Variants in LRIG1 observed in about 807,000 individuals in gnomAD.
The protein encoded by LRIG1 is leucine rich repeats and immunoglobulin like domains 1.
A neutral mutation model predicts 99.2 loss-of-function variants in LRIG1; 48 were observed. That is an observed-to-expected ratio of 0.48 (90% CI 0.38 to 0.62). The LOEUF is 0.62. Among genes scored for constraint, LRIG1 ranks in the 20% least tolerant of loss-of-function variants. The pLI is 0.00. For missense variants in LRIG1, 1,646 were observed against 1,434.4 expected (o/e 1.15, Z -2.38); for synonymous variants, 772 against 596.1 (o/e 1.29, Z -4.30).
At chr3:66,467,341 C>T (rs1441829287) in intron 1 of LRIG1, among the ~76,000 whole-genome samples, 1 of 150,810 alleles carries the variant, frequency 6.6e-6, no homozygotes, top group Non-Finnish European at 1.5e-5. Flanking sequence ...AATTCAGTTC[C>T]TTGGCCACAC....
chr3:66,464,567 C>T (rs17044646), intron 1 of LRIG1, among the ~76,000 whole-genome samples: 1,664 of 151,404 alleles, frequency 0.011, 44 homozygotes, highest in African/African-American at 0.038. Flanking sequence ...GCTTGAGGAT[C>T]GCCAGTTTTT....
intron 9 of LRIG1, among the ~76,000 whole-genome samples, chr3:66,403,220 G>A (rs1019430535): frequency 2.6e-5 from 4 of 151,972 alleles, no homozygotes; most frequent in African/African-American, 9.7e-5. Context: ...CAAATCATAG[G>A]CATCATACCA....
chr3:66,495,072 C>T (rs950643761), intron 1 of LRIG1, among the ~76,000 whole-genome samples: 1 of 152,166 alleles, frequency 6.6e-6, no homozygotes, highest in Non-Finnish European at 1.5e-5. Context: ...TACCAATTTC[C>T]ACACTTTAAC....
rs1176692162 is a variant in LRIG1 at position 66,405,259 on chromosome 3, T to C, written c.1099A>G (p.Ile367Val). 1.9e-6 allele frequency: 3 copies of C among 1,614,014 alleles called. No homozygotes were observed. Among genetic ancestry groups the C allele is most frequent in the Non-Finnish European group, 2.5e-6 (3 of 1,179,966 alleles). ...CTCGTGTCCTCTATTGTGCCCGAAA[T>C]CTCGTTATGGTCCAGATCCCTGGGG... ...LRVLDLDHNE[I>V]SGTIEDTSGA... Residue 367 changes from isoleucine to valine, a missense_variant, in exon 9 of 19, where the codon ATT (isoleucine) becomes GTT (valine). Coordinates refer to ENST00000273261, the MANE Select transcript of LRIG1 (RefSeq NM_015541.3).
chr3:66,462,330 C>T (rs1320422794), intron 2 of LRIG1, 108 bp downstream of exon 2: 3 of 777,248 alleles, frequency 3.9e-6, no homozygotes, highest in Non-Finnish European at 6.7e-6. Context: ...TTCCTTCCTA[C>T]AAGTTTACAC....
intron 3 of LRIG1, among the ~76,000 whole-genome samples, chr3:66,423,506 G>T (rs1205712429): frequency 6.6e-6 from 1 of 152,206 alleles, no homozygotes; most frequent in Non-Finnish European, 1.5e-5. Context: ...GGGAGGCAGA[G>T]GTTGTAGTGA....
intron 3 of LRIG1, among the ~76,000 whole-genome samples, chr3:66,440,738 T>A (rs1449936517): frequency 1.3e-5 from 2 of 152,186 alleles, no homozygotes; most frequent in Admixed American, 1.3e-4. Flanking sequence ...ACGTTCAGTA[T>A]ATACCAGACA....
chr3:66,382,396 C>T lies in LRIG1; in HGVS notation c.2494G>A (p.Glu832Lys), dbSNP rs867560102. ...GGAACATCTGGTGGCACGACGGTTT[C>T]ATCTGCAAGGAGACAGAACAAATAG... ...SEEYSVTNTD[E>K]TVVPPDVPSY... Residue 832 changes from glutamate to lysine, a missense_variant and splice_region_variant, in exon 16 of 19, where the codon GAA becomes AAA. Glu to Lys is a moderately conservative substitution (Grantham distance 56, BLOSUM62 1). Transcript: ENST00000273261. 3 of 1,614,206 alleles carry T rather than the reference C, an allele frequency of 1.9e-6. No homozygotes were observed. Among genetic ancestry groups the T allele is most frequent in the Non-Finnish European group, 2.5e-6 (3 of 1,180,026 alleles).
At chr3:66,457,522 G>T (rs893075321) in intron 2 of LRIG1, among the ~76,000 whole-genome samples, 4 of 152,152 alleles carry the variant, frequency 2.6e-5, no homozygotes, top group Admixed American at 6.5e-5. Flanking sequence ...TTGGAGGGCT[G>T]GGCAGTTCCA....
At chr3:66,387,074 C>G (rs1387692874) in intron 12 of LRIG1, 3 of 147,572 alleles carry the variant, frequency 2.0e-5, no homozygotes, top group Non-Finnish European at 4.5e-5. Context: ...TTGCCCTGAT[C>G]TAGTTTGCCG....
At chr3:66,441,510 T>C (rs1703538482) in intron 3 of LRIG1, among the ~76,000 whole-genome samples, 1 of 152,198 alleles carries the variant, frequency 6.6e-6, no homozygotes, top group South Asian at 2.1e-4. Flanking sequence ...GACCTTCTGT[T>C]ACTTCGCATC....
Position 66,383,407 on chromosome 3 carries a change from A to G in LRIG1, c.2072-6T>C. The G allele has an allele frequency of 6.5e-7, 1 of 1,532,314 alleles. No homozygotes were observed. The highest frequency in any genetic ancestry group is 8.8e-7 in the Non-Finnish European group (1 of 1,136,230). The allele number at this position is 1,532,314 out of a possible 1,614,324, so 94.9% of individuals were successfully genotyped here. ...GACCACCAAGGATGGGGTCTCTACA[A>G]GAGAGCAACAGAGATCTTAGTCATT... On this transcript the variant is annotated splice_region_variant and splice_polypyrimidine_tract_variant and intron_variant, in intron 14 of 18. Coordinates refer to ENST00000273261, the MANE Select transcript of LRIG1 (RefSeq NM_015541.3).
rs537391120 is a variant in LRIG1, at chr3:66,457,283, C to A, written c.290+5155G>T. ...TTTTCTTCAATATCCTTCCCCACCT[C>A]CCCACCCCTCAACACCTAACAGCCT... On this transcript the variant is annotated intron_variant, in intron 2 of 18. Transcript: ENST00000273261. Among the ~76,000 whole-genome samples the A allele has an allele frequency of 3.3e-5, 5 of 152,004 alleles. No individual in the cohort carries two copies. The South Asian group carries it at 1.0e-3, about 32-fold the overall frequency.
intron 1 of LRIG1, among the ~76,000 whole-genome samples, chr3:66,476,213 A>G (rs1428903817): frequency 2.0e-5 from 3 of 152,164 alleles, no homozygotes; most frequent in Non-Finnish European, 4.4e-5. Flanking sequence ...AGTAAAGTAA[A>G]TGAACCCCAA....
rs1700878386 is a variant in LRIG1, at chr3:66,379,169, A to AC, written c.*1093_*1094insG. The AC allele has an allele frequency of 6.6e-6, 1 of 152,644 alleles. No homozygotes were observed. The highest frequency in any genetic ancestry group is 2.4e-5 in the African/African-American group (1 of 41,454). 9.5% of individuals were successfully genotyped at this position (152,644 alleles called of 1,614,324 possible). A position where few individuals can be genotyped will look rare whatever the true frequency, so the allele number is the denominator to read the frequency against. Reference sequence around the variant, plus strand: ...TAAATGACACATTGGCACTCATAAGATGGTTAGCTACCAGTCTCAAAAGTG... The same window carrying AC: ...TAAATGACACATTGGCACTCATAAGACTGGTTAGCTACCAGTCTCAAAAGTG... On this transcript the variant is annotated 3_prime_UTR_variant, in exon 19 of 19. Transcript: ENST00000273261.
intron 3 of LRIG1, among the ~76,000 whole-genome samples, chr3:66,429,980 G>A (rs1254705711): frequency 3.9e-5 from 6 of 152,264 alleles, no homozygotes; most frequent in Admixed American, 6.5e-5. Flanking sequence ...AATATAAACC[G>A]CACACCGGCT....
chr3:66,413,187 G>A (rs1702524581), intron 5 of LRIG1, among the ~76,000 whole-genome samples, 173 bp from the exon 6 acceptor site: 1 of 152,194 alleles, frequency 6.6e-6, no homozygotes, highest in Non-Finnish European at 1.5e-5. Context: ...TGCCATGCAG[G>A]CACTGATGCT....
At chr3:66,441,067 C>T (rs1703522215) in intron 3 of LRIG1, among the ~76,000 whole-genome samples, 1 of 152,058 alleles carries the variant, frequency 6.6e-6, no homozygotes, top group African/African-American at 2.4e-5. Context: ...AGCAGCTGTC[C>T]CCGAGGAAAA....
At chr3:66,499,175 AAGAAGACT>A (rs1309878918) in intron 1 of LRIG1, among the ~76,000 whole-genome samples, 5 of 146,694 alleles carry the variant, frequency 3.4e-5, no homozygotes, top group African/African-American at 1.3e-4. Context: ...TTAGAAGTAA[AAGAAGACT>A]ATTCTATTCT....
Sources: gnomAD v4.1 joint callset for allele counts (sites outside exome capture counted in the v4.1 genomes callset) on GRCh38, gnomAD v4.1.1 for gene constraint, MANE v1.5 for transcripts, NCBI Gene and HGNC (gene_info 2026-07-23, HGNC 2026-07-21) for gene names.